EFR3B: variants seen among roughly 807,000 people sequenced by gnomAD.
The protein encoded by EFR3B is protein EFR3 homolog B.
EFR3B carries 64 observed loss-of-function variants against 104.7 expected under a neutral mutation model. The observed-to-expected ratio is 0.61, with a 90% CI of 0.50 to 0.75. The LOEUF is 0.75. Ranked by LOEUF, EFR3B falls within the 30% of genes least tolerant of loss-of-function variation. EFR3B has a pLI of 0.00. For synonymous variants in EFR3B, 385 were observed against 417.9 expected (o/e 0.92, Z 0.96); for missense variants, 750 against 1,078.5 (o/e 0.70, Z 4.27).
At chr2:25,144,791 C>A (rs1312827954) in intron 18 of EFR3B, among the ~76,000 whole-genome samples, 169 bp from the exon 19 acceptor site, 1 of 152,168 alleles carries the variant, frequency 6.6e-6, no homozygotes, top group East Asian at 1.9e-4. Context: ...CAGAGAAGGC[C>A]CACAGCAATC....
chr2:25,111,216 G>GGT (rs1669716556), intron 4 of EFR3B, among the ~76,000 whole-genome samples: 1 of 152,130 alleles, frequency 6.6e-6, no homozygotes, highest in Admixed American at 6.5e-5. Context: ...CCCGGCCTAG[G>GGT]GTGTGGCCAG....
intron 1 of EFR3B, among the ~76,000 whole-genome samples, chr2:25,088,420 AC>A (rs773999859): frequency 1.3e-5 from 2 of 151,828 alleles, no homozygotes; most frequent in Non-Finnish European, 2.9e-5. Context: ...GTGATTCTCA[AC>A]TCTTAGGCCT....
chr2:25,110,698 A>G (rs1669701086), intron 4 of EFR3B, among the ~76,000 whole-genome samples: 2 of 152,192 alleles, frequency 1.3e-5, no homozygotes, highest in African/African-American at 4.8e-5. Flanking sequence ...AGAGAAAAAC[A>G]AAAAAATTAC....
At chr2:25,090,838 G>A (rs553541414) in intron 1 of EFR3B, among the ~76,000 whole-genome samples, 3 of 152,314 alleles carry the variant, frequency 2.0e-5, no homozygotes, top group African/African-American at 7.2e-5. Flanking sequence ...GTGGCAGATA[G>A]GGAATAACAC....
At chr2:25,119,313 G>A (rs1046849192) in intron 4 of EFR3B, among the ~76,000 whole-genome samples, 10 of 152,214 alleles carry the variant, frequency 6.6e-5, no homozygotes, top group African/African-American at 2.4e-4. Flanking sequence ...ACCTGCTAGA[G>A]CTGTGTGTCT....
At chr2:25,097,818 G>T (rs555177289) in intron 3 of EFR3B, among the ~76,000 whole-genome samples, 1 of 152,342 alleles carries the variant, frequency 6.6e-6, no homozygotes, top group South Asian at 2.1e-4. Flanking sequence ...GGAGGGAACA[G>T]CAGTGCTGGG....
rs967581514 is a variant in EFR3B, at chr2:25,135,634, C to T, written c.1479C>T (p.Thr493=). Residue 493 remains threonine, a synonymous_variant, in exon 13 of 23, where the codon ACC becomes ACT. Transcript: ENST00000403714. ...DRHGNRHKFS[T]ISTLSDISVL... ...ATGGCAACCGCCACAAGTTCTCTAC[C>T]ATCAGGTGAACTTGGGGTGTCTCCT... The T allele has an allele frequency of 1.3e-6, 2 of 1,552,072 alleles. No homozygotes were observed. The highest frequency in any genetic ancestry group is 1.4e-5 in the African/African-American group (1 of 73,044).
intron 1 of EFR3B, among the ~76,000 whole-genome samples, chr2:25,046,659 T>G (rs984620087): frequency 6.6e-6 from 1 of 150,520 alleles, no homozygotes; most frequent in Admixed American, 6.6e-5. Context: ...GTCCACCACC[T>G]CGCCCGGCTA....
At chr2:25,121,933 G>C in intron 5 of EFR3B, 139 bp downstream of exon 5, 1 of 1,190,680 alleles carries the variant, frequency 8.4e-7, no homozygotes, top group Non-Finnish European at 1.2e-6. Context: ...GGGCAGGTGG[G>C]CCAGCACCCA....
At chr2:25,152,337 G>T (rs540315475) in intron 21 of EFR3B, among the ~76,000 whole-genome samples, 1 of 152,348 alleles carries the variant, frequency 6.6e-6, no homozygotes, top group Admixed American at 6.5e-5. Context: ...CTGGCAGTCA[G>T]ATCATGCTCA....
rs1277268879 is a variant in EFR3B, at chr2:25,135,549, T to C, written c.1394T>C (p.Met465Thr). ...GACCGCCTTCTCTCCACCGCCCTCA[T>C]GGAGGATGCAGAAATTCGACTCTTT... The part of the protein sequence containing the change: ...FLDRLLSTAL[M>T]EDAEIRLFVL... The change falls in exon 13 of 23, where the codon ATG (methionine) becomes ACG (threonine). Residue 465 changes from methionine to threonine, a missense_variant. Coordinates refer to ENST00000403714, the MANE Select transcript of EFR3B (RefSeq NM_014971.2). The C allele has an allele frequency of 4.5e-6, 7 of 1,551,958 alleles. No individual in the cohort carries two copies. Among genetic ancestry groups the C allele is most frequent in the Admixed American group, 2.0e-5 (1 of 51,008 alleles).
chr2:25,094,936 A>G (rs1669236446), intron 3 of EFR3B, among the ~76,000 whole-genome samples: 2 of 152,132 alleles, frequency 1.3e-5, no homozygotes, highest in African/African-American at 4.8e-5. Context: ...ACTACAGGCA[A>G]GTGCTACCAT....
At chr2:25,115,389 C>T (rs973168159) in intron 4 of EFR3B, among the ~76,000 whole-genome samples, 14 of 152,184 alleles carry the variant, frequency 9.2e-5, no homozygotes, top group Admixed American at 9.2e-4. Flanking sequence ...CTCCACCTGT[C>T]GCAAGCGGGT....
At chr2:25,125,896 C>T (rs1160225687) in intron 5 of EFR3B, among the ~76,000 whole-genome samples, 1 of 152,038 alleles carries the variant, frequency 6.6e-6, no homozygotes, top group African/African-American at 2.4e-5. Flanking sequence ...TGCTGTGAGC[C>T]GAGATCGTGC....
intron 6 of EFR3B, among the ~76,000 whole-genome samples, chr2:25,129,354 CGTGGGGTGGGGCGTGGG>C (rs1178339936): frequency 6.5e-4 from 6 of 9,168 alleles, no homozygotes; most frequent in African/African-American, 2.3e-3. Context: ...GGGGGCGGGG[CGTGGGGTGGGGCGTGGG>C]GTGGGGTGGG....
intron 13 of EFR3B, 58 bp downstream of exon 13, chr2:25,135,697 G>A: frequency 6.5e-7 from 1 of 1,538,588 alleles, no homozygotes; most frequent in Admixed American, 2.0e-5. Context: ...TCTCCATTAG[G>A]TCCTATCCTT....
At chr2:25,091,551 C>A (rs974325430) in intron 2 of EFR3B, 150 bp downstream of exon 2, 3 of 687,122 alleles carry the variant, frequency 4.4e-6, no homozygotes, top group Non-Finnish European at 7.1e-6. Context: ...GAAACTGGAA[C>A]CTGGGCTACA....
chr2:25,099,470 T>C (rs1404510133), intron 3 of EFR3B, among the ~76,000 whole-genome samples: 1 of 151,700 alleles, frequency 6.6e-6, no homozygotes, highest in Non-Finnish European at 1.5e-5. Context: ...GACAACTATT[T>C]GATAATACTT....
Position 25,131,363 on chromosome 2 carries a change from C to T in EFR3B, c.850-5C>T, listed in dbSNP as rs755824541. 3.9e-6 allele frequency: 6 copies of T among 1,549,708 alleles called. No individual in the cohort carries two copies. In the Admixed American group the frequency reaches 5.9e-5, roughly 15 times the overall value. On this transcript the variant is annotated splice_polypyrimidine_tract_variant and splice_region_variant and intron_variant, in intron 8 of 22. Coordinates refer to ENST00000403714, the MANE Select transcript of EFR3B (RefSeq NM_014971.2). The surrounding 1 kb of genome is among the most constrained non-coding windows in gnomAD (Gnocchi z 7.6). The stretch of plus-strand genomic sequence containing the variant: ...GTCCAGGCCCAGCTCATCTTCCTCC[C>T]GCAGCCGCAGCACTCACACCTGGTC...
Sources: allele counts gnomAD v4.1 joint callset (sites outside exome capture counted in the v4.1 genomes callset), GRCh38; gene constraint gnomAD v4.1.1; non-coding constraint Gnocchi (gnomAD v3.1); transcripts MANE v1.5; gene names NCBI Gene and HGNC (gene_info 2026-07-23, HGNC 2026-07-21).